The following GPC5 variants were observed in gnomAD, a reference collection of about 807,000 sequenced individuals.
The protein encoded by GPC5 is glypican-5.
Under a neutral mutation model 53.9 loss-of-function variants are expected in GPC5, and 47 were observed. The observed-to-expected ratio is 0.87, with a 90% CI of 0.69 to 1.11. The LOEUF is 1.11. Among genes scored for constraint, GPC5 ranks in the 50% most tolerant of loss-of-function variants. The probability of loss-of-function intolerance (pLI) is 0.00; values close to 1 mark genes in which losing one functional copy is unlikely to be tolerated. For synonymous variants in GPC5, 286 were observed against 263.3 expected (o/e 1.09, Z -0.84); for missense variants, 748 against 713.1 (o/e 1.05, Z -0.56).
chr13:91,954,895 A>G (rs2040059278), intron 6 of GPC5, among the ~76,000 whole-genome samples: 1 of 152,132 alleles, frequency 6.6e-6, no homozygotes, highest in Non-Finnish European at 1.5e-5. Flanking sequence ...GATTTTAGCA[A>G]GACTATTGGA....
intron 7 of GPC5, among the ~76,000 whole-genome samples, chr13:92,707,938 C>T (rs1888006687): frequency 6.6e-6 from 1 of 152,046 alleles, no homozygotes; most frequent in Non-Finnish European, 1.5e-5. Flanking sequence ...GATCTCAAAA[C>T]TTCATGGGCA....
At chr13:92,088,457 A>T (rs780091983) in intron 6 of GPC5, among the ~76,000 whole-genome samples, 1 of 152,112 alleles carries the variant, frequency 6.6e-6, no homozygotes, top group Non-Finnish European at 1.5e-5. Flanking sequence ...TTTGAAGATA[A>T]AATGGCCCAC....
intron 6 of GPC5, among the ~76,000 whole-genome samples, chr13:91,926,429 T>C (rs1420863613): frequency 1.3e-5 from 2 of 151,942 alleles, no homozygotes; most frequent in Non-Finnish European, 2.9e-5. Flanking sequence ...TTGTTGTTCA[T>C]GCACCTCTGG....
chr13:92,153,843 C>A (rs1313638573), intron 7 of GPC5, among the ~76,000 whole-genome samples: 1 of 152,110 alleles, frequency 6.6e-6, no homozygotes, highest in Non-Finnish European at 1.5e-5. Context: ...CTTCTATTTC[C>A]CTCATAATTA....
chr13:92,174,491 C>T (rs926791755), intron 7 of GPC5, among the ~76,000 whole-genome samples: 4 of 150,268 alleles, frequency 2.7e-5, no homozygotes, highest in Non-Finnish European at 4.4e-5. Flanking sequence ...GCAGAGATCG[C>T]ACCACTGCAT....
intron 7 of GPC5, among the ~76,000 whole-genome samples, chr13:92,501,618 C>G (rs561178076): frequency 2.0e-5 from 3 of 151,996 alleles, no homozygotes; most frequent in Non-Finnish European, 4.4e-5. Flanking sequence ...ATCAGGTAAA[C>G]CCAAAGAAGT....
rs148290217 is a variant in GPC5 at position 91,951,057 on chromosome 13, T to G, written c.1401+43000T>G. Among the ~76,000 whole-genome samples, 79 of 152,308 alleles carry G rather than the reference T, an allele frequency of 5.2e-4. No individual in the cohort carries two copies. The East Asian group carries it at 9.3e-3, about 18-fold the overall frequency. On this transcript the variant is annotated intron_variant, in intron 6 of 7. Coordinates refer to ENST00000377067, the MANE Select transcript of GPC5 (RefSeq NM_004466.6). ...CATTGTTTTATAAAATTTCTGTGTA[T>G]CACTCTACAGCTAGTTTAAGAGCTC...
intron 2 of GPC5, among the ~76,000 whole-genome samples, chr13:91,489,800 C>T (rs538039130): frequency 6.6e-6 from 1 of 152,076 alleles, no homozygotes; most frequent in African/African-American, 2.4e-5. Context: ...AATGTAGTTA[C>T]AGATACAAAA....
At chr13:92,501,541 G>C (rs1454222638) in intron 7 of GPC5, among the ~76,000 whole-genome samples, 1 of 152,030 alleles carries the variant, frequency 6.6e-6, no homozygotes, top group Non-Finnish European at 1.5e-5. Flanking sequence ...AGACATAAAG[G>C]CTGAAAATTT....
intron 5 of GPC5, among the ~76,000 whole-genome samples, chr13:91,886,081 C>A (rs2039318711): frequency 2.0e-5 from 3 of 151,926 alleles, no homozygotes; most frequent in Admixed American, 1.3e-4. Context: ...TAAAGAAATA[C>A]CTGGGACTGG....
At chr13:92,060,019 C>G (rs891142241) in intron 6 of GPC5, 114 of 151,394 alleles carry the variant, frequency 7.5e-4, no homozygotes, top group African/African-American at 2.7e-3. Flanking sequence ...ACTTAAGTTG[C>G]TCATTTTATA....
intron 6 of GPC5, among the ~76,000 whole-genome samples, chr13:92,094,543 A>T (rs1187117286): frequency 3.3e-5 from 5 of 150,542 alleles, no homozygotes; most frequent in Admixed American, 6.6e-5. Context: ...AAAAAAAAAA[A>T]AATAGTCTAA....
chr13:91,860,861 T>G (rs954015240), intron 5 of GPC5, among the ~76,000 whole-genome samples: 4 of 152,296 alleles, frequency 2.6e-5, no homozygotes, highest in Middle Eastern at 3.4e-3. Flanking sequence ...TGATTCCATA[T>G]CTTGGGTATT....
At chr13:91,888,601 T>A (rs986432966) in intron 5 of GPC5, among the ~76,000 whole-genome samples, 1 of 152,164 alleles carries the variant, frequency 6.6e-6, no homozygotes, top group African/African-American at 2.4e-5. Flanking sequence ...ACACAATACC[T>A]AGCATGCACA....
At chr13:92,865,678 TG>T (rs1164533307) in intron 7 of GPC5, among the ~76,000 whole-genome samples, 1 of 152,162 alleles carries the variant, frequency 6.6e-6, no homozygotes, top group African/African-American at 2.4e-5. Context: ...ATGCTAAGGA[TG>T]TGAGGTGATG....
intron 6 of GPC5, among the ~76,000 whole-genome samples, chr13:91,999,879 A>C (rs950256112): frequency 6.6e-6 from 1 of 152,244 alleles, no homozygotes; most frequent in Non-Finnish European, 1.5e-5. Context: ...TCTGCAGATA[A>C]GAAATTTTAA....
chr13:91,784,729 A>G (rs556508923), intron 5 of GPC5, among the ~76,000 whole-genome samples: 6 of 151,900 alleles, frequency 3.9e-5, no homozygotes, highest in Admixed American at 3.9e-4. Context: ...CATCTCAGAA[A>G]AAAAAAAAAT....
intron 7 of GPC5, among the ~76,000 whole-genome samples, chr13:92,667,379 A>G (rs1195198444): frequency 6.6e-6 from 1 of 152,154 alleles, no homozygotes; most frequent in African/African-American, 2.4e-5. Flanking sequence ...TTGGACCAGA[A>G]ACAATTATCT....
chr13:91,653,614 C>T (rs2034772520), intron 2 of GPC5, among the ~76,000 whole-genome samples: 1 of 151,984 alleles, frequency 6.6e-6, no homozygotes, highest in Non-Finnish European at 1.5e-5. Context: ...AACAAAAAAA[C>T]ATAATCAATC....
Sources: allele counts gnomAD v4.1 joint callset (sites outside exome capture counted in the v4.1 genomes callset), GRCh38; gene constraint gnomAD v4.1.1; transcripts MANE v1.5; gene names NCBI Gene and HGNC (gene_info 2026-07-23, HGNC 2026-07-21).